EFHB: variants seen among roughly 807,000 people sequenced by gnomAD.
EFHB encodes EF-hand domain-containing family member B.
In EFHB, 91 loss-of-function variants were observed where a neutral mutation model predicts 87.2. That is an observed-to-expected ratio of 1.04 (90% CI 0.88 to 1.24). The LOEUF (loss-of-function observed/expected upper bound fraction) is 1.24. Among genes scored for constraint, EFHB ranks in the 50% most tolerant of loss-of-function variants. The pLI is 0.00. For synonymous variants in EFHB, 325 were observed against 333.6 expected (o/e 0.97, Z 0.28); for missense variants, 1,084 against 998.8 (o/e 1.09, Z -1.15).
At chr3:19,920,459 A>G (rs781402747) in intron 2 of EFHB, 46 bp downstream of exon 2, 3 of 1,486,454 alleles carry the variant, frequency 2.0e-6, no homozygotes, top group South Asian at 2.4e-5. Flanking sequence ...TAATGTTCAC[A>G]TAGAAGGTAA....
At chr3:19,944,170 C>A (rs1405034166) in intron 1 of EFHB, among the ~76,000 whole-genome samples, 1 of 152,142 alleles carries the variant, frequency 6.6e-6, no homozygotes, top group Non-Finnish European at 1.5e-5. Flanking sequence ...CCAGACAGTT[C>A]CAGTTAAAAG....
At chr3:19,939,831 TG>T (rs1302007190) in intron 1 of EFHB, among the ~76,000 whole-genome samples, 2 of 152,224 alleles carry the variant, frequency 1.3e-5, no homozygotes, top group Non-Finnish European at 2.9e-5. Flanking sequence ...GCACAGGGTC[TG>T]ATCTAAAAAA....
At chr3:19,886,611 G>T (rs1694107842) in intron 10 of EFHB, among the ~76,000 whole-genome samples, 1 of 129,928 alleles carries the variant, frequency 7.7e-6, no homozygotes, top group African/African-American at 2.9e-5. Flanking sequence ...AGGAGTTCAA[G>T]GCTGCAATGA....
chr3:19,917,287 T>G (rs1408091445), intron 4 of EFHB, among the ~76,000 whole-genome samples: 2 of 151,336 alleles, frequency 1.3e-5, no homozygotes, highest in African/African-American at 4.8e-5. Flanking sequence ...AAAGGATATT[T>G]AATCTACTGT....
chr3:19,944,945 G>A (rs1425973809), intron 1 of EFHB, among the ~76,000 whole-genome samples: 1 of 152,146 alleles, frequency 6.6e-6, no homozygotes, highest in Non-Finnish European at 1.5e-5. Flanking sequence ...AAGGAGAAAA[G>A]TCCAGGTGCT....
intron 3 of EFHB, among the ~76,000 whole-genome samples, chr3:19,919,575 A>C (rs111343923): frequency 6.6e-6 from 1 of 152,166 alleles, no homozygotes; most frequent in Non-Finnish European, 1.5e-5. Context: ...AATGGAATGC[A>C]ACTAGGCTTT....
chr3:19,940,484 G>GT (rs1298112077), intron 1 of EFHB: 3 of 504,132 alleles, frequency 6.0e-6, no homozygotes, highest in Non-Finnish European at 1.2e-5. Context: ...AGAATCTTCT[G>GT]TTTGTCTTCA....
chr3:19,879,715 T>C lies in EFHB; in HGVS notation c.2418A>G (p.Arg806=). ...VWNLASKKHH[R]GEVCVENIRN... ...TGATGTTCTCAACACAAACTTCTCC[T>C]CTGTGATGCTTTTTTGATGCAAGAT... Residue 806 remains arginine (R), a synonymous_variant, in exon 13 of 13, where the codon AGA becomes AGG. Coordinates refer to ENST00000295824, the MANE Select transcript of EFHB (RefSeq NM_144715.4). The C allele has an allele frequency of 1.2e-6, 2 of 1,611,066 alleles. No individual in the cohort carries two copies. The highest frequency in any genetic ancestry group is 2.2e-5 in the South Asian group (2 of 90,490).
chr3:19,938,128 C>T (rs1478687782), upstream of EFHB, among the ~76,000 whole-genome samples: 1 of 152,168 alleles, frequency 6.6e-6, no homozygotes, highest in Admixed American at 6.5e-5. Flanking sequence ...GTTCCCTTCA[C>T]CTGGAATGTC....
chr3:19,920,076 T>C, intron 2 of EFHB, 100 bp from the exon 3 acceptor site: 2 of 1,198,842 alleles, frequency 1.7e-6, no homozygotes, highest in South Asian at 1.6e-5. Flanking sequence ...AGTGCATGTA[T>C]GTAGTAAATG....
chr3:19,898,812 G>T lies in EFHB; in HGVS notation c.1536C>A (p.Cys512Ter). ...IAETMNVPPD[C>*]TFGACLRPEE... ...CAGGACGGAGACAAGCTCCAAATGT[G>T]CAGTCTGGGGGAACATTCATTGTTT... The change falls in exon 8 of 13, where the codon TGC (cysteine) becomes TGA (stop). Residue 512 changes from cysteine (C) to a stop codon, truncating the protein, a stop_gained. Coordinates refer to ENST00000295824, the MANE Select transcript of EFHB (RefSeq NM_144715.4). LOFTEE classifies it high-confidence loss of function. 1 of 1,613,784 alleles carries T rather than the reference G, an allele frequency of 6.2e-7. No individual in the cohort carries two copies. The highest frequency in any genetic ancestry group is 1.1e-5 in the South Asian group (1 of 91,012).
chr3:19,932,809 A>C (rs1356930153), intron 1 of EFHB, among the ~76,000 whole-genome samples: 1 of 152,266 alleles, frequency 6.6e-6, no homozygotes, highest in Non-Finnish European at 1.5e-5. Context: ...TGTACCTGGC[A>C]CAATGGCTAC....
chr3:19,905,672 T>G lies in EFHB; in HGVS notation c.1366A>C (p.Asn456His), dbSNP rs768838478. ...GATTTTGCCATGGCTCGTCCATCAT[T>G]AAAATGTGGTGTTGGTACTCCATAC... Reference protein sequence around the residue: ...SVYGVPTPHFNDGRAMAKSLY... With the variant: ...SVYGVPTPHFHDGRAMAKSLY... The change falls in exon 6 of 13, where the codon AAT becomes CAT. Residue 456 changes from asparagine (N) to histidine (H), a missense_variant. Asn to His is a moderately conservative substitution (Grantham distance 68). Transcript: ENST00000295824. 1 of 1,613,864 alleles carries G rather than the reference T, an allele frequency of 6.2e-7. No individual in the cohort carries two copies. The highest frequency in any genetic ancestry group is 1.1e-5 in the South Asian group (1 of 91,058).
chr3:19,946,342 G>A (rs1412822443), intron 1 of EFHB: 1 of 152,260 alleles, frequency 6.6e-6, no homozygotes, highest in Non-Finnish European at 1.5e-5. Context: ...CCACCAAGGG[G>A]AGCTAAAATT....
At chr3:19,887,396 A>T (rs867019029) in intron 10 of EFHB, among the ~76,000 whole-genome samples, 184 of 152,070 alleles carry the variant, frequency 1.2e-3, no homozygotes, top group African/African-American at 4.3e-3. Context: ...AAAAAAAAAA[A>T]AAAAAGGAAG....
chr3:19,928,268 A>G (rs908462840), intron 1 of EFHB, among the ~76,000 whole-genome samples: 4 of 152,146 alleles, frequency 2.6e-5, no homozygotes, highest in Admixed American at 6.6e-5. Context: ...AAAAATATAT[A>G]TTTCAATAAA....
In EFHB at chr3:19,884,450, GT is replaced by G. The variant is rs2071762620; in HGVS notation, c.2098del (p.Thr700GlnfsTer10). ...PSDKVSNYYK[T>X]TSSEINAIVG... ...AATTGCATTGATCTCAGAAGAAGTT[GT>G]CTTATAGTAGTTGGAAACTTTATCA... is the stretch of plus-strand genomic sequence containing the variant. On this transcript the variant is annotated frameshift_variant, in exon 11 of 13. Coordinates refer to ENST00000295824, the MANE Select transcript of EFHB (RefSeq NM_144715.4). LOFTEE classifies it high-confidence loss of function. The G allele has an allele frequency of 1.2e-6, 2 of 1,613,816 alleles. No homozygotes were observed. The highest frequency in any genetic ancestry group is 1.7e-6 in the Non-Finnish European group (2 of 1,179,886).
chr3:19,915,302 C>G lies in EFHB; in HGVS notation c.1288+1G>C, dbSNP rs751993058. On this transcript the variant is annotated splice_donor_variant, in intron 5 of 12. Transcript: ENST00000295824. LOFTEE classifies it high-confidence loss of function. Reference sequence around the variant, plus strand: ...CCCATTTTGCATCGGAGGACACTTACCTGCATAATAATCATTGTGAGAAAC... The same window carrying G: ...CCCATTTTGCATCGGAGGACACTTAGCTGCATAATAATCATTGTGAGAAAC... 6 of 1,603,750 alleles carry G rather than the reference C, an allele frequency of 3.7e-6. No homozygotes were observed. Among genetic ancestry groups the G allele is most frequent in the Non-Finnish European group, 5.1e-6 (6 of 1,171,810 alleles).
intron 5 of EFHB, 48 bp from the exon 6 acceptor site, chr3:19,905,797 C>T (rs759415846): frequency 9.0e-6 from 14 of 1,552,484 alleles, no homozygotes; most frequent in Non-Finnish European, 1.2e-5. Flanking sequence ...CACGAATAAC[C>T]TTATCATGCA....
Sources: allele counts gnomAD v4.1 joint callset (sites outside exome capture counted in the v4.1 genomes callset), GRCh38; gene constraint gnomAD v4.1.1; transcripts MANE v1.5; gene names NCBI Gene and HGNC (gene_info 2026-07-23, HGNC 2026-07-21).